The following KBTBD6 variants were observed in gnomAD, a reference collection of about 807,000 sequenced individuals.
The protein encoded by KBTBD6 is kelch repeat and BTB domain-containing protein 6.
A neutral mutation model predicts 34.4 loss-of-function variants in KBTBD6; 6 were observed. That is an observed-to-expected ratio of 0.17 (90% CI 0.10 to 0.34). KBTBD6 has a LOEUF of 0.34. Ranked by LOEUF, KBTBD6 falls within the 10% of genes least tolerant of loss-of-function variation. The probability of loss-of-function intolerance (pLI) is 1.00; values close to 1 mark genes in which losing one functional copy is unlikely to be tolerated. For synonymous variants in KBTBD6, 288 were observed against 327.2 expected, an observed-to-expected ratio of 0.88 and a Z score of 1.29; for missense variants, 557 against 856.0, an observed-to-expected ratio of 0.65 and a Z score of 4.36.
At position 41,131,271 on chromosome 13, in the gene KBTBD6, C is replaced by T; in HGVS notation, c.1241G>A (p.Ser414Asn). The change falls in exon 1 of 1, where the codon AGT (serine) becomes AAT (asparagine). Residue 414 changes from serine (S) to asparagine (N), a missense_variant. Ser to Asn is a conservative substitution (Grantham distance 46, BLOSUM62 1). This residue lies in a region of KBTBD6 where 309 missense variants were observed against 504.5 expected (regional missense o/e 0.61). Transcript: ENST00000379485. The surrounding 1 kb of genome is among the most constrained non-coding windows in gnomAD (Gnocchi z 5.8). ...CAAGCGATCTGCAAGTTGCTGCCAA[C>T]TATTCTGAGCTGGTTTATACACCCA... ...DLWVYKPAQN[S>N]WQQLADRLLC... The T allele has an allele frequency of 6.2e-7, 1 of 1,614,176 alleles. No individual in the cohort carries two copies. The highest frequency in any genetic ancestry group is 8.5e-7 in the Non-Finnish European group (1 of 1,180,032).
In KBTBD6 at chr13:41,132,718, G is replaced by T. The variant is rs1252903690; in HGVS notation, c.-207C>A. On this transcript the variant is annotated 5_prime_UTR_variant, in exon 1 of 1. Transcript: ENST00000379485. ...CTGACTCACCCTCTCTCACTCCCGC[G>T]TCCTTTCTCCGCGTCTGCTCGCCTT... 3.1e-6 allele frequency: 2 copies of T among 638,752 alleles called. No homozygotes were observed. Among genetic ancestry groups the T allele is most frequent in the South Asian group, 2.2e-5 (1 of 44,638 alleles). The allele number at this position is 638,752 out of a possible 1,614,324, so 39.6% of individuals were successfully genotyped here.
At position 41,130,220 on chromosome 13, in the gene KBTBD6, T is replaced by C. The variant is rs2030064546; in HGVS notation, c.*267A>G. 5 of 313,872 alleles carry C rather than the reference T, an allele frequency of 1.6e-5. No individual in the cohort carries two copies. In the South Asian group the frequency reaches 4.5e-4, roughly 28 times the overall value. 19.4% of individuals were successfully genotyped at this position (313,872 alleles called of 1,614,324 possible). A position where few individuals can be genotyped will look rare whatever the true frequency, so the allele number is the denominator to read the frequency against. On this transcript the variant is annotated 3_prime_UTR_variant, in exon 1 of 1. Coordinates refer to ENST00000379485, the MANE Select transcript of KBTBD6 (RefSeq NM_152903.5). This position sits in a 1 kb window ranked among gnomAD's most constrained non-coding sequence, Gnocchi z 4.8. The stretch of plus-strand genomic sequence containing the variant: ...AAAATGTATCAAAAGACTAAATTAG[T>C]GTCATGAAACATAAACATACTAAAT...
Position 41,130,954 on chromosome 13 carries a change from C to T in KBTBD6, c.1558G>A (p.Val520Ile), listed in dbSNP as rs1342165202. 1.9e-6 allele frequency: 3 copies of T among 1,614,000 alleles called. No individual in the cohort carries two copies. Among genetic ancestry groups the T allele is most frequent in the Non-Finnish European group, 2.5e-6 (3 of 1,179,970 alleles). ...LKRNDFQEAC[V>I]FNEEIYCICD... ...ATACAATAGATCTCCTCATTGAAGA[C>T]GCAGGCTTCCTGAAAGTCATTGCGC... Residue 520 changes from valine to isoleucine, a missense_variant, in exon 1 of 1, where the codon GTC becomes ATC. Val to Ile is a conservative substitution (Grantham distance 29). Around this residue, in one of 4 missense-constraint regions of KBTBD6, gnomAD observed 309 missense variants for 504.5 expected, o/e 0.61. Coordinates refer to ENST00000379485, the MANE Select transcript of KBTBD6 (RefSeq NM_152903.5). This position sits in a 1 kb window ranked among gnomAD's most constrained non-coding sequence, Gnocchi z 4.8.
chr13:41,131,100 G>A lies in KBTBD6; in HGVS notation c.1412C>T (p.Pro471Leu), dbSNP rs1408157751. 1.2e-6 allele frequency: 2 copies of A among 1,613,996 alleles called. No homozygotes were observed. The highest frequency in any genetic ancestry group is 8.5e-7 in the Non-Finnish European group (1 of 1,180,002). ...RNQWALVAPL[P>L]HSFLSFDLMV... ...TAGGTCAAAGGATAAAAAAGAATGG[G>A]GCAGTGGAGCCACCAATGCCCACTG... is the stretch of plus-strand genomic sequence containing the variant. Residue 471 changes from proline (P) to leucine (L), a missense_variant, in exon 1 of 1, where the codon CCC becomes CTC. Pro to Leu is a moderately conservative substitution (Grantham distance 98). Around this residue, in one of 4 missense-constraint regions of KBTBD6, gnomAD observed 309 missense variants for 504.5 expected, o/e 0.61. Transcript: ENST00000379485. The surrounding 1 kb of genome is among the most constrained non-coding windows in gnomAD (Gnocchi z 5.8).
rs1376378571 is a variant in KBTBD6 at position 41,131,366 on chromosome 13, G to T, written c.1146C>A (p.Val382=). The change falls in exon 1 of 1, where the codon GTC becomes GTA. Residue 382 remains valine (V), a synonymous_variant. Transcript: ENST00000379485. This position sits in a 1 kb window ranked among gnomAD's most constrained non-coding sequence, Gnocchi z 5.8. ...GAGAGATACAGACAGCTAAAGTGGT[G>T]ACAGTCCTAGTGTGAGCCAGACAGG... ...PLTCLAHTRT[V]TTLAVCISPD... is the part of the protein sequence containing the mutation. 6.2e-7 allele frequency: 1 copy of T among 1,614,156 alleles called. No homozygotes were observed. The highest frequency in any genetic ancestry group is 1.7e-5 in the Admixed American group (1 of 60,028).
At position 41,130,591 on chromosome 13, in the gene KBTBD6, T is replaced by C. The variant is rs768496417; in HGVS notation, c.1921A>G (p.Ser641Gly). Residue 641 changes from serine to glycine, a missense_variant, in exon 1 of 1, where the codon AGC becomes GGC. By Grantham distance (56) the Ser-to-Gly change is moderately conservative. Transcript: ENST00000379485. This position sits in a 1 kb window ranked among gnomAD's most constrained non-coding sequence, Gnocchi z 4.8. ...TEEEEIPSESSTEWDLGGFSE... is the reference protein window; with the variant it reads ...TEEEEIPSESGTEWDLGGFSE... ...AATCCACCTAAGTCCCATTCAGTGC[T>C]AGACTCACTTGGTATTTCTTCTTCT... 6.2e-7 allele frequency: 1 copy of C among 1,614,184 alleles called. No homozygotes were observed. The highest frequency in any genetic ancestry group is 2.2e-5 in the East Asian group (1 of 44,890).
At position 41,129,260 on chromosome 13, in the gene KBTBD6, T is replaced by C. The variant is rs184024730; in HGVS notation, c.*1227A>G. On this transcript the variant is annotated 3_prime_UTR_variant, in exon 1 of 1. Transcript: ENST00000379485. ...ACACCAAAACTGTACAGCTAAAACA[T>C]ATTGAGAATCATGTAAATGTTTAAG... The C allele has an allele frequency of 5.8e-4, 89 of 152,326 alleles. No homozygotes were observed. The highest frequency in any genetic ancestry group is 3.1e-4 in the Non-Finnish European group (21 of 68,008). 9.4% of individuals were successfully genotyped at this position (152,326 alleles called of 1,614,324 possible).
In KBTBD6 at chr13:41,131,990, G is replaced by T. The variant is rs770956810; in HGVS notation, c.522C>A (p.Thr174=). Residue 174 remains threonine (T), a synonymous_variant, in exon 1 of 1, where the codon ACC becomes ACA. Transcript: ENST00000379485. This position sits in a 1 kb window ranked among gnomAD's most constrained non-coding sequence, Gnocchi z 5.8. The stretch of plus-strand genomic sequence containing the variant: ...AGGCATCTGCAAACTTGAGGATGGC[G>T]GTGCAGTTGGTCAGGTCAAGACGTC... ...LARRLDLTNC[T]AILKFADAFG... 1 of 1,614,256 alleles carries T rather than the reference G, an allele frequency of 6.2e-7. No homozygotes were observed.
chr13:41,129,488 T>C lies in KBTBD6; in HGVS notation c.*999A>G, dbSNP rs2030048724. On this transcript the variant is annotated 3_prime_UTR_variant, in exon 1 of 1. Coordinates refer to ENST00000379485, the MANE Select transcript of KBTBD6 (RefSeq NM_152903.5). ...CCTTTTAGATGAAAATTGGTGACTT[T>C]GCAAATACACATTCTAAATTCCAAA... 1.3e-5 allele frequency: 2 copies of C among 152,208 alleles called. No homozygotes were observed. Among genetic ancestry groups the C allele is most frequent in the Admixed American group, 1.3e-4 (2 of 15,274 alleles). 9.4% of individuals were successfully genotyped at this position (152,208 alleles called of 1,614,324 possible).
rs531534133 is a variant in KBTBD6, at chr13:41,128,875, G to C, written c.*1612C>G. On this transcript the variant is annotated 3_prime_UTR_variant, in exon 1 of 1. Coordinates refer to ENST00000379485, the MANE Select transcript of KBTBD6 (RefSeq NM_152903.5). Reference sequence around the variant, plus strand: ...GGGGTTTTGCTATGTTGCCCAGGCTGGTCTCAAACTCCTGGGCTGAAGCAA... The same window carrying C: ...GGGGTTTTGCTATGTTGCCCAGGCTCGTCTCAAACTCCTGGGCTGAAGCAA... 1 of 189,420 alleles carries C rather than the reference G, an allele frequency of 5.3e-6. No homozygotes were observed. The highest frequency in any genetic ancestry group is 2.3e-5 in the African/African-American group (1 of 43,348). 11.7% of individuals were successfully genotyped at this position (189,420 alleles called of 1,614,324 possible).
chr13:41,128,734 G>C lies in KBTBD6; in HGVS notation c.*1753C>G. 1 of 360,320 alleles carries C rather than the reference G, an allele frequency of 2.8e-6. No individual in the cohort carries two copies. The highest frequency in any genetic ancestry group is 3.8e-5 in the East Asian group (1 of 26,332). The allele number at this position is 360,320 out of a possible 1,614,324, so 22.3% of individuals were successfully genotyped here. On this transcript the variant is annotated 3_prime_UTR_variant, in exon 1 of 1. Transcript: ENST00000379485. ...GCTATGATTATAGCTGCAGATGATA[G>C]CTGCAGCCCCGAACTCCTAGACTCA...
At position 41,130,017 on chromosome 13, in the gene KBTBD6, T is replaced by A. The variant is rs2030061421; in HGVS notation, c.*470A>T. On this transcript the variant is annotated 3_prime_UTR_variant, in exon 1 of 1. Coordinates refer to ENST00000379485, the MANE Select transcript of KBTBD6 (RefSeq NM_152903.5). This position sits in a 1 kb window ranked among gnomAD's most constrained non-coding sequence, Gnocchi z 4.8. Reference sequence around the variant, plus strand: ...AAAAGTAAAACTTCCCAAATTATGTTTAACTTATAACACATTTTGTAAAGA... The same window carrying A: ...AAAAGTAAAACTTCCCAAATTATGTATAACTTATAACACATTTTGTAAAGA... The A allele has an allele frequency of 6.6e-6, 1 of 152,550 alleles. No individual in the cohort carries two copies. Among genetic ancestry groups the A allele is most frequent in the African/African-American group, 2.4e-5 (1 of 41,448 alleles). The allele number at this position is 152,550 out of a possible 1,614,324, so 9.4% of individuals were successfully genotyped here. A position where few individuals can be genotyped will look rare whatever the true frequency, so the allele number is the denominator to read the frequency against.
rs1258775197 is a variant in KBTBD6 at position 41,128,893 on chromosome 13, T to G, written c.*1594A>C. ...CCAGGCTGGTCTCAAACTCCTGGGC[T>G]GAAGCAATCCTCCCACCTCAGCCCC... On this transcript the variant is annotated 3_prime_UTR_variant, in exon 1 of 1. Transcript: ENST00000379485. 5.6e-6 allele frequency: 1 copy of G among 179,404 alleles called. No homozygotes were observed. 11.1% of individuals were successfully genotyped at this position (179,404 alleles called of 1,614,324 possible).
rs757589639 is a variant in KBTBD6 at position 41,130,712 on chromosome 13, G to A, written c.1800C>T (p.Thr600=). 6.2e-7 allele frequency: 1 copy of A among 1,614,122 alleles called. No homozygotes were observed. The highest frequency in any genetic ancestry group is 2.2e-5 in the East Asian group (1 of 44,882). The change falls in exon 1 of 1, where the codon ACC becomes ACT. Residue 600 remains threonine, a synonymous_variant. Coordinates refer to ENST00000379485, the MANE Select transcript of KBTBD6 (RefSeq NM_152903.5). The surrounding 1 kb of genome is among the most constrained non-coding windows in gnomAD (Gnocchi z 4.8). ...IRGDQWINIG[T]TLGLLQFDSN... ...AATCAAACTGCAAGAGGCCTAATGT[G>A]GTACCTATATTAATCCATTGGTCTC...
In KBTBD6 at chr13:41,130,403, G is replaced by A; in HGVS notation, c.*84C>T. Reference sequence around the variant, plus strand: ...TTTTCCTCTCCTTTAGGAACAAAAAGGATATTTAAGATATTTTCCAAAACA... The same window carrying A: ...TTTTCCTCTCCTTTAGGAACAAAAAAGATATTTAAGATATTTTCCAAAACA... On this transcript the variant is annotated 3_prime_UTR_variant, in exon 1 of 1. Transcript: ENST00000379485. The surrounding 1 kb of genome is among the most constrained non-coding windows in gnomAD (Gnocchi z 4.8). 1 of 1,014,974 alleles carries A rather than the reference G, an allele frequency of 9.9e-7. No individual in the cohort carries two copies. The highest frequency in any genetic ancestry group is 1.4e-6 in the Non-Finnish European group (1 of 691,622). The allele number at this position is 1,014,974 out of a possible 1,614,324, so 62.9% of individuals were successfully genotyped here. A position where few individuals can be genotyped will look rare whatever the true frequency, so the allele number is the denominator to read the frequency against.
In KBTBD6 at chr13:41,130,990, C is replaced by G. The variant is rs1304135746; in HGVS notation, c.1522G>C (p.Val508Leu). The G allele has an allele frequency of 6.2e-7, 1 of 1,614,092 alleles. No individual in the cohort carries two copies. The highest frequency in any genetic ancestry group is 8.5e-7 in the Non-Finnish European group (1 of 1,179,994). The change falls in exon 1 of 1, where the codon GTT (valine) becomes CTT (leucine). Residue 508 changes from valine to leucine, a missense_variant. Val to Leu is a conservative substitution (Grantham distance 32, BLOSUM62 1). Around this residue, in one of 4 missense-constraint regions of KBTBD6, gnomAD observed 309 missense variants for 504.5 expected, o/e 0.61. Transcript: ENST00000379485. The surrounding 1 kb of genome is among the most constrained non-coding windows in gnomAD (Gnocchi z 4.8). ...TGAAAGTCATTGCGCTTCAGAGAAACGCACTTCAGCCACATATTGTGGCTA... is the reference window on the plus strand; with the variant it reads ...TGAAAGTCATTGCGCTTCAGAGAAAGGCACTTCAGCCACATATTGTGGCTA... Reference protein sequence around the residue: ...DPSHNMWLKCVSLKRNDFQEA... With the variant: ...DPSHNMWLKCLSLKRNDFQEA...
At position 41,128,681 on chromosome 13, in the gene KBTBD6, T is replaced by A. The variant is rs1369626811; in HGVS notation, c.*1806A>T. The stretch of plus-strand genomic sequence containing the variant: ...TCTCGTTCTGTTGCCAAAGCTGGAG[T>A]GCTGAGACATGATCATAGCTGCAGT... On this transcript the variant is annotated 3_prime_UTR_variant, in exon 1 of 1. Coordinates refer to ENST00000379485, the MANE Select transcript of KBTBD6 (RefSeq NM_152903.5). 5.3e-6 allele frequency: 2 copies of A among 377,792 alleles called. No homozygotes were observed. Among genetic ancestry groups the A allele is most frequent in the African/African-American group, 2.1e-5 (1 of 48,234 alleles). The allele number at this position is 377,792 out of a possible 1,614,324, so 23.4% of individuals were successfully genotyped here.
chr13:41,130,802 G>A lies in KBTBD6; in HGVS notation c.1710C>T (p.Leu570=). The A allele has an allele frequency of 1.2e-6, 2 of 1,614,180 alleles. No homozygotes were observed. The highest frequency in any genetic ancestry group is 1.7e-6 in the Non-Finnish European group (2 of 1,180,042). The change falls in exon 1 of 1, where the codon CTC becomes CTT. Residue 570 remains leucine (L), a synonymous_variant. Transcript: ENST00000379485. The surrounding 1 kb of genome is among the most constrained non-coding windows in gnomAD (Gnocchi z 4.8). ...TCCACTGTGGGGTGCGAGAGGTGAT[G>A]AGCAACAATTTTTGGCCATGCTTGA... ...RIIKHGQKLL[L]ITSRTPQWKK... is the part of the protein sequence containing the mutation.
chr13:41,132,311 G>A lies in KBTBD6; in HGVS notation c.201C>T (p.Ile67=). Residue 67 remains isoleucine (I), a synonymous_variant, in exon 1 of 1, where the codon ATC becomes ATT. Coordinates refer to ENST00000379485, the MANE Select transcript of KBTBD6 (RefSeq NM_152903.5). ...YDARLLCDVT[I]EVVTPGSGPG... The stretch of plus-strand genomic sequence containing the variant: ...GCCCGCTGCCAGGCGTCACCACCTC[G>A]ATGGTCACATCACACAGCAGCCGCG... The A allele has an allele frequency of 6.2e-7, 1 of 1,614,252 alleles. No individual in the cohort carries two copies. Among genetic ancestry groups the A allele is most frequent in the Non-Finnish European group, 8.5e-7 (1 of 1,180,060 alleles).
Sources: allele counts gnomAD v4.1 joint callset, GRCh38; gene constraint gnomAD v4.1.1; regional missense constraint gnomAD v4.1.1; non-coding constraint Gnocchi (gnomAD v3.1); transcripts MANE v1.5; gene names NCBI Gene and HGNC (gene_info 2026-07-23, HGNC 2026-07-21).